The following CLIP1 variants were observed in gnomAD, a reference collection of about 807,000 sequenced individuals.
CLIP1 encodes CAP-Gly domain-containing linker protein 1.
Under a neutral mutation model 161.6 loss-of-function variants are expected in CLIP1, and 66 were observed. The ratio of observed to expected loss-of-function variants is 0.41; its 90% confidence interval spans 0.33 to 0.50. CLIP1 has a LOEUF of 0.50. Ranked by LOEUF, CLIP1 falls within the 20% of genes least tolerant of loss-of-function variation. The pLI is 0.27. For synonymous variants in CLIP1, 598 were observed against 626.2 expected (o/e 0.96, Z 0.67); for missense variants, 1,376 against 1,702.0 (o/e 0.81, Z 3.37).
At chr12:122,304,482 TC>T (rs1396318089) in intron 20 of CLIP1, among the ~76,000 whole-genome samples, 1 of 152,158 alleles carries the variant, frequency 6.6e-6, no homozygotes, top group Non-Finnish European at 1.5e-5. Context: ...TGCCTCAGTC[TC>T]CCGAGTAGCC....
rs778082284 is a variant in CLIP1 at position 122,341,154 on chromosome 12, C to T, written c.2050G>A (p.Glu684Lys). 1.2e-6 allele frequency: 2 copies of T among 1,614,074 alleles called. No individual in the cohort carries two copies. Among genetic ancestry groups the T allele is most frequent in the African/African-American group, 1.3e-5 (1 of 74,920 alleles). The change falls in exon 11 of 26, where the codon GAA becomes AAA. Residue 684 changes from glutamate (E) to lysine (K), a missense_variant. Physicochemically the swap from Glu to Lys is moderately conservative, Grantham distance 56 (BLOSUM62 1). Around this residue, in one of 6 missense-constraint regions of CLIP1, gnomAD observed 948 missense variants for 1,134.8 expected, o/e 0.84. Transcript: ENST00000620786. ...IENLQNQQDS[E>K]RAAHAKEMEA... ...ATCTCTTTAGCATGGGCAGCCCGTT[C>T]AGAGTCTTGTTGATTCTGCAAATTT...
chr12:122,274,125 C>A lies in CLIP1; in HGVS notation c.4004G>T (p.Arg1335Met). The change falls in exon 25 of 26, where the codon AGG becomes ATG. Residue 1335 changes from arginine to methionine, a missense_variant. Around this residue, in one of 6 missense-constraint regions of CLIP1, gnomAD observed 948 missense variants for 1,134.8 expected, o/e 0.84. Transcript: ENST00000620786. ...CTTCATCTTGAGGTCTTGATTCTTC[C>A]TTTGAAGGTCCACTATTACTGAATT... is the stretch of plus-strand genomic sequence containing the variant. ...FLNSVIVDLQ[R>M]KNQDLKMKVE... 1 of 1,607,084 alleles carries A rather than the reference C, an allele frequency of 6.2e-7. No individual in the cohort carries two copies. The highest frequency in any genetic ancestry group is 8.5e-7 in the Non-Finnish European group (1 of 1,173,758).
At chr12:122,318,772 C>T (rs561849094) in intron 18 of CLIP1, among the ~76,000 whole-genome samples, 169 of 152,210 alleles carry the variant, frequency 1.1e-3, no homozygotes, top group South Asian at 1.7e-3. Flanking sequence ...AATATCTTGA[C>T]GCCACATATT....
intron 4 of CLIP1, among the ~76,000 whole-genome samples, chr12:122,362,331 T>C (rs1254308969): frequency 6.6e-6 from 1 of 151,228 alleles, no homozygotes; most frequent in East Asian, 1.9e-4. Flanking sequence ...ACAAAATGGC[T>C]AACATACAGG....
chr12:122,350,949 T>C, intron 9 of CLIP1, 162 bp downstream of exon 9: 1 of 486,104 alleles, frequency 2.1e-6, no homozygotes, highest in Admixed American at 3.5e-5. Context: ...TTCTTCAGGA[T>C]ATAAATGTAA....
chr12:122,378,897 G>A (rs7133070), intron 2 of CLIP1, among the ~76,000 whole-genome samples: 7,245 of 151,812 alleles, frequency 0.048, 562 homozygotes, highest in African/African-American at 0.17. Flanking sequence ...AGGCCGAGGC[G>A]GGCAGATCAC....
intron 3 of CLIP1, among the ~76,000 whole-genome samples, chr12:122,372,466 C>T (rs116017086): frequency 0.013 from 2,001 of 151,152 alleles, 43 homozygotes; most frequent in African/African-American, 0.041. Context: ...CCTGTAATCC[C>T]AGCTACGCTA....
At chr12:122,418,402 G>A (rs1442616475) in intron 1 of CLIP1, among the ~76,000 whole-genome samples, 1 of 152,040 alleles carries the variant, frequency 6.6e-6, no homozygotes, top group Non-Finnish European at 1.5e-5. Context: ...TCATATCAAA[G>A]AAAAACACAC....
At chr12:122,339,643 T>C (rs983461430) in intron 11 of CLIP1, among the ~76,000 whole-genome samples, 45 of 152,142 alleles carry the variant, frequency 3.0e-4, no homozygotes, top group African/African-American at 1.1e-3. Flanking sequence ...TTTATAATAG[T>C]CAAGAAGCAC....
chr12:122,328,472 TTTTAAA>T (rs760579182), intron 15 of CLIP1, 46 bp from the exon 16 acceptor site: 1 of 1,245,148 alleles, frequency 8.0e-7, no homozygotes. Context: ...CATAAGAATG[TTTTAAA>T]TTTAAGTTAT....
intron 24 of CLIP1, chr12:122,276,574 G>A: frequency 9.7e-7 from 1 of 1,030,488 alleles, no homozygotes; most frequent in South Asian, 1.5e-5. Flanking sequence ...TCCATGGTAA[G>A]TTTGTACAGT....
chr12:122,345,899 C>T (rs1251292201), intron 10 of CLIP1, among the ~76,000 whole-genome samples: 1 of 152,022 alleles, frequency 6.6e-6, no homozygotes, highest in Non-Finnish European at 1.5e-5. Flanking sequence ...GATTCTCCTG[C>T]CTCAGCCTCC....
chr12:122,334,550 G>T (rs894350119), intron 13 of CLIP1, 98 bp downstream of exon 13: 8 of 785,704 alleles, frequency 1.0e-5, no homozygotes, highest in African/African-American at 1.7e-5. Context: ...GTGAAATTAG[G>T]CTACGAGCAG....
At chr12:122,321,297 G>A (rs1361276891) in intron 17 of CLIP1, among the ~76,000 whole-genome samples, 1 of 150,968 alleles carries the variant, frequency 6.6e-6, no homozygotes, top group African/African-American at 2.4e-5. Flanking sequence ...CCAGGCTGGA[G>A]TGCAATGGCG....
chr12:122,401,765 A>G (rs1293662103), intron 1 of CLIP1, among the ~76,000 whole-genome samples: 1 of 152,002 alleles, frequency 6.6e-6, no homozygotes, highest in Non-Finnish European at 1.5e-5. Flanking sequence ...TTGGGAGGCC[A>G]AGGCGGGAGG....
At chr12:122,359,115 ATT>A (rs1342302994) in intron 5 of CLIP1, among the ~76,000 whole-genome samples, 1 of 152,190 alleles carries the variant, frequency 6.6e-6, no homozygotes, top group Non-Finnish European at 1.5e-5. Context: ...ATTTTTTTCA[ATT>A]TTTGTTTTTC....
At chr12:122,303,451 C>T (rs1208258968) in intron 20 of CLIP1, among the ~76,000 whole-genome samples, 1 of 152,174 alleles carries the variant, frequency 6.6e-6, no homozygotes, top group South Asian at 2.1e-4. Context: ...TTTAACCCCA[C>T]GTTACAGCTA....
intron 1 of CLIP1, among the ~76,000 whole-genome samples, chr12:122,403,285 G>A (rs1466023630): frequency 6.6e-6 from 1 of 152,080 alleles, no homozygotes; most frequent in East Asian, 1.9e-4. Flanking sequence ...TAATGTATAA[G>A]GAAGCTCTGC....
intron 1 of CLIP1, among the ~76,000 whole-genome samples, chr12:122,390,249 T>C (rs11608577): frequency 0.015 from 1,521 of 99,752 alleles, 15 homozygotes; most frequent in East Asian, 0.043. Context: ...CACATATATA[T>C]ACACATATAT....
Sources: allele counts gnomAD v4.1 joint callset (sites outside exome capture counted in the v4.1 genomes callset), GRCh38; gene constraint gnomAD v4.1.1; regional missense constraint gnomAD v4.1.1; transcripts MANE v1.5; gene names NCBI Gene and HGNC (gene_info 2026-07-23, HGNC 2026-07-21).